The following GALNT2 variants were observed in gnomAD, a reference collection of about 807,000 sequenced individuals.
GALNT2 encodes the protein polypeptide N-acetylgalactosaminyltransferase 2, also known as UDP-GalNAc:polypeptide N-acetylgalactosaminyltransferase 2.
A neutral mutation model predicts 81.4 loss-of-function variants in GALNT2; 31 were observed. That is an observed-to-expected ratio of 0.38 (90% confidence interval 0.29 to 0.51). GALNT2 has a LOEUF of 0.51. Ranked by LOEUF, GALNT2 falls within the 20% of genes least tolerant of loss-of-function variation. GALNT2 has a pLI of 0.87. For synonymous variants in GALNT2, 303 were observed against 287.4 expected (o/e 1.05, Z -0.55); for missense variants, 629 against 765.7 (o/e 0.82, Z 2.11).
At chr1:230,222,871 A>C (rs779086688) in intron 3 of GALNT2, among the ~76,000 whole-genome samples, 3 of 152,204 alleles carry the variant, frequency 2.0e-5, no homozygotes, top group African/African-American at 4.8e-5. Flanking sequence ...AACTTGCCCC[A>C]TTAACCAGGC....
intron 14 of GALNT2, among the ~76,000 whole-genome samples, chr1:230,270,671 A>G (rs1666140807): frequency 6.6e-6 from 1 of 152,200 alleles, no homozygotes; most frequent in Non-Finnish European, 1.5e-5. Context: ...ACGGATGAGA[A>G]ACGAGAGGGT....
chr1:230,125,126 C>T (rs914014621), intron 1 of GALNT2, among the ~76,000 whole-genome samples: 2 of 152,192 alleles, frequency 1.3e-5, no homozygotes, highest in Non-Finnish European at 2.9e-5. Context: ...TGAAGGCTTC[C>T]CAAGCCTGGT....
In GALNT2 at chr1:230,243,262, T is replaced by C; in HGVS notation, c.608-44T>C. ...GGTTGGCATGGGGTTGTGCTGGCCC[T>C]GTGGCTTCTCTCTCCTGACGTGCTT... On this transcript the variant is annotated intron_variant, in intron 6 of 15. Transcript: ENST00000366672. This position sits in a 1 kb window ranked among gnomAD's most constrained non-coding sequence, Gnocchi z 4.2. 6.4e-7 allele frequency: 1 copy of C among 1,559,360 alleles called. No homozygotes were observed. Among genetic ancestry groups the C allele is most frequent in the South Asian group, 1.2e-5 (1 of 86,330 alleles).
intron 1 of GALNT2, among the ~76,000 whole-genome samples, chr1:230,127,266 C>G (rs896149472): frequency 6.6e-6 from 1 of 151,800 alleles, no homozygotes; most frequent in Non-Finnish European, 1.5e-5. Context: ...GGAAGACTCT[C>G]TTAATGCTGT....
At chr1:230,246,343 A>C (rs566548632) in intron 8 of GALNT2, among the ~76,000 whole-genome samples, 193 bp downstream of exon 8, 12 of 152,302 alleles carry the variant, frequency 7.9e-5, no homozygotes, top group Admixed American at 6.5e-4. Flanking sequence ...TGCTCCCTTA[A>C]AGAGCTTCCT....
Position 230,265,285 on chromosome 1 carries a change from G to A in GALNT2, c.1358G>A (p.Gly453Glu), listed in dbSNP as rs760523823. The A allele has an allele frequency of 6.2e-7, 1 of 1,614,240 alleles. No homozygotes were observed. The highest frequency in any genetic ancestry group is 1.7e-5 in the Admixed American group (1 of 60,022). The change falls in exon 14 of 16, where the codon GGA (glycine) becomes GAA (glutamate). Residue 453 changes from glycine (G) to glutamate (E), a missense_variant. Coordinates refer to ENST00000366672, the MANE Select transcript of GALNT2 (RefSeq NM_004481.5). ...QDIAFGALQQ[G>E]TNCLDTLGHF... ...ATAGCTTTTGGGGCCTTGCAGCAGG[G>A]AACTAACTGCCTCGACACTTTGGGA...
Position 230,275,121 on chromosome 1 carries a change from TATATATACACACCACATATAC to T in GALNT2, c.1560+584_1560+604del, listed in dbSNP as rs1412392533. 1.3e-5 allele frequency among the ~76,000 whole-genome samples: 2 copies of T among 148,150 alleles called. No homozygotes were observed. The highest frequency in any genetic ancestry group is 1.9e-4 in the East Asian group (1 of 5,156). On this transcript the variant is annotated intron_variant, in intron 15 of 15. Coordinates refer to ENST00000366672, the MANE Select transcript of GALNT2 (RefSeq NM_004481.5). The surrounding 1 kb of genome is among the most constrained non-coding windows in gnomAD (Gnocchi z 5.5). The stretch of plus-strand genomic sequence containing the variant: ...TGTATACACACCACATATATATACA[TATATATACACACCACATATAC>T]ATATATACACACCACATATACATAT...
In GALNT2 at chr1:230,128,620, C is replaced by CG. The variant is rs1661268750; in HGVS notation, c.127-49593dup. 2.9e-4 allele frequency among the ~76,000 whole-genome samples: 5 copies of CG among 17,218 alleles called. No individual in the cohort carries two copies. In the East Asian group the frequency reaches 4.5e-3, roughly 15 times the overall value. The allele number at this position is 17,218 out of a possible 152,430, so 11.3% of individuals were successfully genotyped here. On this transcript the variant is annotated intron_variant, in intron 1 of 15. Transcript: ENST00000366672. Reference sequence around the variant, plus strand: ...GACTTTCATAAGGGTGTGTGTGTGGCGGGGGCGGGGGTGGTTGGGGGGAGG... The same window carrying CG: ...GACTTTCATAAGGGTGTGTGTGTGGCGGGGGGCGGGGGTGGTTGGGGGGAGG...
chr1:230,064,346 T>C (rs540910037), upstream of GALNT2, among the ~76,000 whole-genome samples: 104 of 152,342 alleles, frequency 6.8e-4, no homozygotes, highest in African/African-American at 2.4e-3. Flanking sequence ...CAAAATGCTC[T>C]CCATTAGTCA....
intron 1 of GALNT2, among the ~76,000 whole-genome samples, chr1:230,104,109 G>A (rs1457352939): frequency 6.6e-6 from 1 of 152,114 alleles, no homozygotes; most frequent in Non-Finnish European, 1.5e-5. Context: ...ACTCCTGAGC[G>A]TCCTGAAGCT....
In GALNT2 at chr1:230,084,652, G is replaced by A. The variant is rs141301899; in HGVS notation, c.126+17246G>A. 1.1e-4 allele frequency among the ~76,000 whole-genome samples: 16 copies of A among 152,216 alleles called. No homozygotes were observed. The East Asian group carries it at 2.5e-3, about 24-fold the overall frequency. On this transcript the variant is annotated intron_variant, in intron 1 of 15. Coordinates refer to ENST00000366672, the MANE Select transcript of GALNT2 (RefSeq NM_004481.5). ...GGTTGTGGAGGGTCTGCCACATGGG[G>A]GACCATGCCTCACAGGTTCAAGGCA... is the stretch of plus-strand genomic sequence containing the variant.
chr1:230,180,880 T>A (rs747748638), intron 2 of GALNT2, among the ~76,000 whole-genome samples: 8 of 152,220 alleles, frequency 5.3e-5, no homozygotes, highest in Non-Finnish European at 7.3e-5. Flanking sequence ...GTAAATGGTC[T>A]TGTGATTTTC....
chr1:230,126,586 T>A (rs1471034521), intron 1 of GALNT2, among the ~76,000 whole-genome samples: 1 of 151,834 alleles, frequency 6.6e-6, no homozygotes, highest in Admixed American at 6.6e-5. Flanking sequence ...GGAATGAGAG[T>A]GGTTCAGAAG....
chr1:230,140,990 AT>A (rs1309269900), intron 1 of GALNT2, among the ~76,000 whole-genome samples: 1 of 152,232 alleles, frequency 6.6e-6, no homozygotes, highest in African/African-American at 2.4e-5. Flanking sequence ...TCATTGAAAA[AT>A]TCCAGCATTC....
At chr1:230,163,304 A>C (rs992916511) in intron 1 of GALNT2, among the ~76,000 whole-genome samples, 1 of 152,216 alleles carries the variant, frequency 6.6e-6, no homozygotes, top group Admixed American at 6.5e-5. Flanking sequence ...GCCACTGGCC[A>C]CTCCTGAATT....
intron 10 of GALNT2, 35 bp downstream of exon 10, chr1:230,250,595 T>A (rs2273966): frequency 0.33 from 499,306 of 1,513,276 alleles, 83,935 homozygotes; most frequent in African/African-American, 0.37. Flanking sequence ...GACAGAGAAG[T>A]GCCTCAGCTC....
At chr1:230,083,408 G>GGATGATGGAGCGGGGAGCCAA (rs1659806570) in intron 1 of GALNT2, among the ~76,000 whole-genome samples, 1 of 151,062 alleles carries the variant, frequency 6.6e-6, no homozygotes, top group Non-Finnish European at 1.5e-5. Flanking sequence ...GCAGGGAGCG[G>GGATGATGGAGCGGGGAGCCAA]GATGATGGAG....
intron 1 of GALNT2, among the ~76,000 whole-genome samples, chr1:230,093,191 G>T (rs1348739501): frequency 2.6e-5 from 4 of 152,234 alleles, no homozygotes; most frequent in African/African-American, 9.7e-5. Context: ...GGGTTGCATA[G>T]TTCTCATTTG....
intron 1 of GALNT2, among the ~76,000 whole-genome samples, chr1:230,117,287 C>T (rs12083455): frequency 0.42 from 64,287 of 152,138 alleles, 13,583 homozygotes; most frequent in South Asian, 0.53. Flanking sequence ...CTCATTTGAT[C>T]TTCTATCCAG....
Sources: gnomAD v4.1 joint callset for allele counts (sites outside exome capture counted in the v4.1 genomes callset) on GRCh38, gnomAD v4.1.1 for gene constraint, Gnocchi (gnomAD v3.1) non-coding constraint, MANE v1.5 for transcripts, NCBI Gene and HGNC (gene_info 2026-07-23, HGNC 2026-07-21) for gene names.